The following SMIM17 variants were observed in gnomAD, a reference collection of about 807,000 sequenced individuals.
SMIM17 encodes small integral membrane protein 17.
Under a neutral mutation model 12.2 loss-of-function variants are expected in SMIM17, and 10 were observed. The observed-to-expected ratio is 0.82, with a 90% confidence interval of 0.50 to 1.39. The LOEUF (loss-of-function observed/expected upper bound fraction) is 1.39, where lower values mean the gene tolerates loss of function less well. SMIM17 is among the 40% of genes most tolerant of loss of function. The pLI, the probability that SMIM17 is intolerant of heterozygous loss-of-function variation, is 0.00. For synonymous variants in SMIM17, 50 were observed against 44.1 expected (o/e 1.13, Z -0.53); for missense variants, 136 against 118.2 (o/e 1.15, Z -0.70).
chr19:56,655,477 C>T lies in SMIM17; in HGVS notation c.*264C>T. On this transcript the variant is annotated 3_prime_UTR_variant, in exon 4 of 4. Transcript: ENST00000598409. Reference sequence around the variant, plus strand: ...AAAGTGCTAATTAATCATTAAGATGCCACCAACTGGAAGATATCTCCTGAC... The same window carrying T: ...AAAGTGCTAATTAATCATTAAGATGTCACCAACTGGAAGATATCTCCTGAC... The T allele has an allele frequency of 2.5e-6, 1 of 404,948 alleles. No homozygotes were observed. 25.1% of individuals were successfully genotyped at this position (404,948 alleles called of 1,614,324 possible).
rs2045141284 is a variant in SMIM17, at chr19:56,655,297, A to G, written c.*84A>G. The G allele has an allele frequency of 8.2e-6, 5 of 608,026 alleles. No homozygotes were observed. Among genetic ancestry groups the G allele is most frequent in the African/African-American group, 1.8e-5 (1 of 54,786 alleles). The allele number at this position is 608,026 out of a possible 1,614,324, so 37.7% of individuals were successfully genotyped here. ...TGTTAAGGAATTGTGCTAGTTAAAA[A>G]TCAGGAATAGGTGTTGAATATTTTC... On this transcript the variant is annotated 3_prime_UTR_variant, in exon 4 of 4. Transcript: ENST00000598409.
intron 2 of SMIM17, among the ~76,000 whole-genome samples, chr19:56,646,773 C>A (rs117133732): frequency 6.6e-6 from 1 of 152,054 alleles, no homozygotes; most frequent in Non-Finnish European, 1.5e-5. Context: ...GGGGAGGAAA[C>A]GAGAGGTATC....
At chr19:56,647,472 G>A (rs377585721) in intron 2 of SMIM17, 86 bp from the exon 3 acceptor site, 3 of 919,818 alleles carry the variant, frequency 3.3e-6, no homozygotes, top group East Asian at 2.7e-5. Flanking sequence ...CTAGAAAAGG[G>A]ACAAGATGCC....
chr19:56,650,007 G>A (rs528431373), intron 3 of SMIM17, among the ~76,000 whole-genome samples: 31 of 152,142 alleles, frequency 2.0e-4, no homozygotes, highest in African/African-American at 7.0e-4. Flanking sequence ...AATCACTCTG[G>A]GAGCCCATGT....
chr19:56,648,888 A>G (rs1331598493), intron 3 of SMIM17, among the ~76,000 whole-genome samples: 1 of 152,192 alleles, frequency 6.6e-6, no homozygotes, highest in Non-Finnish European at 1.5e-5. Flanking sequence ...AAAATCACAT[A>G]ATCACTCTCA....
intron 2 of SMIM17, among the ~76,000 whole-genome samples, chr19:56,646,885 A>G (rs770448913): frequency 7.2e-5 from 11 of 152,188 alleles, no homozygotes; most frequent in Non-Finnish European, 1.6e-4. Context: ...TGAACCTTAT[A>G]CCAACTACTA....
At chr19:56,653,858 C>T (rs1439451313) in intron 3 of SMIM17, among the ~76,000 whole-genome samples, 1 of 152,140 alleles carries the variant, frequency 6.6e-6, no homozygotes, top group Non-Finnish European at 1.5e-5. Flanking sequence ...TTTAATAATT[C>T]GTAGTCTGTG....
chr19:56,648,573 T>A (rs2045086133), intron 3 of SMIM17, among the ~76,000 whole-genome samples: 1 of 152,158 alleles, frequency 6.6e-6, no homozygotes, highest in Admixed American at 6.5e-5. Context: ...CTGTTGGCTG[T>A]GGTGAGGATA....
At chr19:56,646,160 TG>T (rs1476972317) in intron 2 of SMIM17, among the ~76,000 whole-genome samples, 1 of 152,156 alleles carries the variant, frequency 6.6e-6, no homozygotes, top group East Asian at 1.9e-4. Context: ...CCATGTCTGC[TG>T]GTGCTGGCTG....
chr19:56,645,166 AGT>A (rs980399133), intron 1 of SMIM17, among the ~76,000 whole-genome samples: 5 of 150,768 alleles, frequency 3.3e-5, no homozygotes, highest in African/African-American at 4.9e-5. Context: ...AGTGTGTATG[AGT>A]GTGTGTGTTA....
intron 3 of SMIM17, among the ~76,000 whole-genome samples, chr19:56,653,886 T>G (rs990060039): frequency 2.0e-5 from 3 of 152,232 alleles, no homozygotes; most frequent in African/African-American, 7.2e-5. Flanking sequence ...ATTTTTCTTT[T>G]TTCACAGGAT....
intron 1 of SMIM17, among the ~76,000 whole-genome samples, chr19:56,644,094 C>A (rs942357375): frequency 6.6e-6 from 1 of 152,060 alleles, no homozygotes; most frequent in Non-Finnish European, 1.5e-5. Flanking sequence ...CTGACCTTGA[C>A]CTGATGGCTG....
intron 2 of SMIM17, 47 bp from the exon 3 acceptor site, chr19:56,647,511 G>A (rs2045073876): frequency 1.4e-6 from 2 of 1,423,732 alleles, no homozygotes; most frequent in Non-Finnish European, 1.9e-6. Context: ...CTGCCATCTG[G>A]CCACTCACTC....
At chr19:56,643,617 T>A (rs2148036334) in intron 1 of SMIM17, among the ~76,000 whole-genome samples, 1 of 152,256 alleles carries the variant, frequency 6.6e-6, no homozygotes, top group East Asian at 1.9e-4. Context: ...TGCCCGAGTG[T>A]GCACCTGTGC....
intron 1 of SMIM17, among the ~76,000 whole-genome samples, chr19:56,645,349 C>T (rs1568516674): frequency 6.6e-6 from 1 of 152,110 alleles, no homozygotes; most frequent in Non-Finnish European, 1.5e-5. Context: ...CCATGACAAT[C>T]ACTCCCTTTC....
In SMIM17 at chr19:56,656,450, A is replaced by G. The variant is rs1296898804; in HGVS notation, c.*1237A>G. ...ACTATTGTTTTTCCAAAGAACCAAC[A>G]TTAGGATTCATTTATATCCATTATT... is the stretch of plus-strand genomic sequence containing the variant. On this transcript the variant is annotated 3_prime_UTR_variant, in exon 4 of 4. Transcript: ENST00000598409. Among the ~76,000 whole-genome samples the G allele has an allele frequency of 6.6e-6, 1 of 152,198 alleles. No individual in the cohort carries two copies. Among genetic ancestry groups the G allele is most frequent in the Admixed American group, 6.5e-5 (1 of 15,288 alleles).
At position 56,645,835 on chromosome 19, in the gene SMIM17, AG is replaced by A; in HGVS notation, c.169+1del. 1.3e-6 allele frequency: 2 copies of A among 1,531,432 alleles called. No homozygotes were observed. Among genetic ancestry groups the A allele is most frequent in the South Asian group, 1.2e-5 (1 of 83,286 alleles). The allele number at this position is 1,531,432 out of a possible 1,614,324, so 94.9% of individuals were successfully genotyped here. A position where few individuals can be genotyped will look rare whatever the true frequency, so the allele number is the denominator to read the frequency against. ...CCTCCAGCCATGACAGTGATGAGAA[AG>A]GTGAGAGGCAGGGGTCCTTTGGGAG... is the stretch of plus-strand genomic sequence containing the variant. ...GASSHDSDEK[D>X]LSSQETGLSQ... On this transcript the variant is annotated frameshift_variant and splice_region_variant, in exon 2 of 4. Coordinates refer to ENST00000598409, the MANE Select transcript of SMIM17 (RefSeq NM_001193628.2). LOFTEE classifies it high-confidence loss of function.
At chr19:56,649,824 A>G (rs2045095948) in intron 3 of SMIM17, among the ~76,000 whole-genome samples, 1 of 151,982 alleles carries the variant, frequency 6.6e-6, no homozygotes, top group South Asian at 2.1e-4. Flanking sequence ...GCCATGGTGA[A>G]ATGTGAGTTT....
intron 2 of SMIM17, 34 bp downstream of exon 2, chr19:56,645,870 G>A: frequency 6.6e-7 from 1 of 1,503,826 alleles, no homozygotes; most frequent in Non-Finnish European, 8.8e-7. Context: ...AGGTGAGTGG[G>A]TGGAGAGGAA....
Sources: allele counts gnomAD v4.1 joint callset (sites outside exome capture counted in the v4.1 genomes callset), GRCh38; gene constraint gnomAD v4.1.1; transcripts MANE v1.5; gene names NCBI Gene and HGNC (gene_info 2026-07-23, HGNC 2026-07-21).